Variants in CNNM2 observed in about 807,000 individuals in gnomAD.
CNNM2 encodes metal transporter CNNM2.
CNNM2 carries 12 observed loss-of-function variants against 66.9 expected under a neutral mutation model. That is an observed-to-expected ratio of 0.18 (90% CI 0.11 to 0.29). The LOEUF is 0.29. Among genes scored for constraint, CNNM2 ranks in the 10% least tolerant of loss-of-function variants. CNNM2 has a pLI of 1.00. For missense variants in CNNM2, 705 were observed against 1,167.7 expected (o/e 0.60, Z 5.77); for synonymous variants, 557 against 501.8 (o/e 1.11, Z -1.47).
chr10:103,054,613 T>G lies in CNNM2; in HGVS notation c.1903+147T>G. Reference sequence around the variant, plus strand: ...TTGTGTTTTGTTTTTTTTGTTTTTTTGTTTTGTTTTGTTTTTTTCTTTTTA... The same window carrying G: ...TTGTGTTTTGTTTTTTTTGTTTTTTGGTTTTGTTTTGTTTTTTTCTTTTTA... On this transcript the variant is annotated intron_variant, in intron 3 of 7. Transcript: ENST00000369878. This position sits in a 1 kb window ranked among gnomAD's most constrained non-coding sequence, Gnocchi z 5.2. 1 of 786,858 alleles carries G rather than the reference T, an allele frequency of 1.3e-6. No homozygotes were observed. Among genetic ancestry groups the G allele is most frequent in the Non-Finnish European group, 1.9e-6 (1 of 513,918 alleles). 48.7% of individuals were successfully genotyped at this position (786,858 alleles called of 1,614,324 possible).
At position 103,081,968 on chromosome 10, in the gene CNNM2, A is replaced by T. The variant is rs1314554436; in HGVS notation, c.*4788A>T. On this transcript the variant is annotated 3_prime_UTR_variant, in exon 8 of 8. Transcript: ENST00000369878. ...TCTGTATGCTAGAGCTACTGACATC[A>T]TCTCTACTAGAATTGTTTTAAATAT... is the stretch of plus-strand genomic sequence containing the variant. The T allele has an allele frequency of 6.6e-6, 1 of 152,184 alleles. No homozygotes were observed. The allele number at this position is 152,184 out of a possible 1,614,324, so 9.4% of individuals were successfully genotyped here.
intron 1 of CNNM2, among the ~76,000 whole-genome samples, chr10:103,010,271 C>A (rs1001648963): frequency 6.6e-6 from 1 of 151,812 alleles, no homozygotes; most frequent in East Asian, 1.9e-4. Flanking sequence ...AGAGTTTCAC[C>A]CTGTTACCCA....
At chr10:103,027,546 T>C (rs2064730542) in intron 1 of CNNM2, 1 of 152,218 alleles carries the variant, frequency 6.6e-6, no homozygotes, top group Non-Finnish European at 1.5e-5. Flanking sequence ...GCAAACAATT[T>C]GTAGAGTTGC....
chr10:103,033,125 A>G (rs1328769617), intron 1 of CNNM2, among the ~76,000 whole-genome samples: 2 of 151,838 alleles, frequency 1.3e-5, no homozygotes, highest in Non-Finnish European at 2.9e-5. Context: ...CCAAAAAAAA[A>G]AAAAGAAAAG....
chr10:103,008,487 G>A (rs1421478055), intron 1 of CNNM2, among the ~76,000 whole-genome samples: 1 of 152,058 alleles, frequency 6.6e-6, no homozygotes, highest in Admixed American at 6.5e-5. Context: ...AGTTTCAAGT[G>A]TTTAACTTTT....
At chr10:102,928,753 G>A (rs558006878) in intron 1 of CNNM2, among the ~76,000 whole-genome samples, 1 of 152,096 alleles carries the variant, frequency 6.6e-6, no homozygotes, top group Non-Finnish European at 1.5e-5. Flanking sequence ...TGTATGAGGC[G>A]CTGGTTCAGA....
At chr10:103,022,789 G>A (rs573922366) in intron 1 of CNNM2, among the ~76,000 whole-genome samples, 47 of 152,296 alleles carry the variant, frequency 3.1e-4, no homozygotes, top group African/African-American at 1.1e-3. Flanking sequence ...CATGGCACTG[G>A]CATCTGCTCC....
chr10:102,964,429 G>A (rs1387858731), intron 1 of CNNM2, among the ~76,000 whole-genome samples: 1 of 152,070 alleles, frequency 6.6e-6, no homozygotes, highest in Admixed American at 6.6e-5. Context: ...GGGTTTCACT[G>A]TGTTGGCCAG....
chr10:103,055,616 T>G (rs1380480624), intron 3 of CNNM2, among the ~76,000 whole-genome samples: 6 of 152,258 alleles, frequency 3.9e-5, no homozygotes, highest in African/African-American at 1.4e-4. Context: ...TTTTCTTTCT[T>G]CTTTCTTTTT....
chr10:102,950,750 C>CA (rs1019427910), intron 1 of CNNM2, among the ~76,000 whole-genome samples: 76 of 150,004 alleles, frequency 5.1e-4, no homozygotes, highest in African/African-American at 1.8e-3. Context: ...GACCCTGTCT[C>CA]AAAAAAAAGA....
intron 1 of CNNM2, among the ~76,000 whole-genome samples, chr10:103,040,805 T>C (rs892521660): frequency 6.6e-6 from 1 of 152,226 alleles, no homozygotes; most frequent in African/African-American, 2.4e-5. Context: ...TCTAAACGTC[T>C]CTGGCTTATG....
At chr10:102,974,462 C>T (rs982445663) in intron 1 of CNNM2, among the ~76,000 whole-genome samples, 2 of 151,882 alleles carry the variant, frequency 1.3e-5, no homozygotes, top group African/African-American at 4.8e-5. Context: ...AGGACATCTG[C>T]GGAGGGCCAA....
intron 1 of CNNM2, among the ~76,000 whole-genome samples, chr10:102,946,839 T>C (rs1346522479): frequency 2.0e-5 from 3 of 152,218 alleles, no homozygotes; most frequent in African/African-American, 4.8e-5. Flanking sequence ...GTTTACTTTT[T>C]AAATAAGGAA....
chr10:103,004,650 T>C (rs2134261096), intron 1 of CNNM2, among the ~76,000 whole-genome samples: 1 of 152,324 alleles, frequency 6.6e-6, no homozygotes, highest in Admixed American at 6.5e-5. Flanking sequence ...GATATGCTTG[T>C]GTTTGGTTTT....
At chr10:102,974,137 CTCT>C (rs1286497478) in intron 1 of CNNM2, among the ~76,000 whole-genome samples, 1 of 152,182 alleles carries the variant, frequency 6.6e-6, no homozygotes, top group Non-Finnish European at 1.5e-5. Context: ...ATTTGAAATT[CTCT>C]TCTTCACTTC....
At chr10:102,926,944 C>T (rs774979878) in intron 1 of CNNM2, among the ~76,000 whole-genome samples, 1 of 151,950 alleles carries the variant, frequency 6.6e-6, no homozygotes, top group African/African-American at 2.4e-5. Context: ...ATCTTGAACT[C>T]CTGGGCTCAA....
intron 1 of CNNM2, among the ~76,000 whole-genome samples, chr10:103,009,256 C>T (rs2064289630): frequency 1.3e-5 from 2 of 152,036 alleles, no homozygotes; most frequent in East Asian, 1.9e-4. Flanking sequence ...GCCTGGGCAA[C>T]AAGATTGAAA....
chr10:103,077,256 C>A lies in CNNM2; in HGVS notation c.*76C>A. 1 of 1,316,588 alleles carries A rather than the reference C, an allele frequency of 7.6e-7. No homozygotes were observed. 81.6% of individuals were successfully genotyped at this position (1,316,588 alleles called of 1,614,324 possible). A position where few individuals can be genotyped will look rare whatever the true frequency, so the allele number is the denominator to read the frequency against. On this transcript the variant is annotated 3_prime_UTR_variant, in exon 8 of 8. Coordinates refer to ENST00000369878, the MANE Select transcript of CNNM2 (RefSeq NM_017649.5). Reference sequence around the variant, plus strand: ...CCGGCCCTGTCTGCCCATGACTTCACTGGTGTGAGCTTGTCCGCCATGCTG... The same window carrying A: ...CCGGCCCTGTCTGCCCATGACTTCAATGGTGTGAGCTTGTCCGCCATGCTG...
In CNNM2 at chr10:103,073,620, C is replaced by G. The variant is rs10883827; in HGVS notation, c.2233+1781C>G. On this transcript the variant is annotated intron_variant, in intron 6 of 7. Coordinates refer to ENST00000369878, the MANE Select transcript of CNNM2 (RefSeq NM_017649.5). Reference sequence around the variant, plus strand: ...CTCACGCCTGTAATCCCAGCACTTTCGGAGGCCGAGGCGGGTGGATCATGA... The same window carrying G: ...CTCACGCCTGTAATCCCAGCACTTTGGGAGGCCGAGGCGGGTGGATCATGA... Among the ~76,000 whole-genome samples, 46,537 of 151,434 alleles carry G rather than the reference C, an allele frequency of 0.31. 7,265 individuals are homozygous for G. Among genetic ancestry groups the G allele is most frequent in the Middle Eastern group, 0.36 (106 of 292 alleles).
Sources: gnomAD v4.1 joint callset for allele counts (sites outside exome capture counted in the v4.1 genomes callset) on GRCh38, gnomAD v4.1.1 for gene constraint, Gnocchi (gnomAD v3.1) non-coding constraint, MANE v1.5 for transcripts, NCBI Gene and HGNC (gene_info 2026-07-23, HGNC 2026-07-21) for gene names.